WDR93: variants seen among roughly 807,000 people sequenced by gnomAD.
The protein encoded by WDR93 is WD repeat-containing protein 93.
Under a neutral mutation model 82.9 loss-of-function variants are expected in WDR93, and 73 were observed. That is an observed-to-expected ratio of 0.88 (90% CI 0.73 to 1.07). The LOEUF (loss-of-function observed/expected upper bound fraction) is 1.07, where lower values mean the gene tolerates loss of function less well. Ranked by LOEUF, WDR93 falls within the 50% of genes least tolerant of loss-of-function variation. The pLI, the probability that WDR93 is intolerant of heterozygous loss-of-function variation, is 0.00. For missense variants in WDR93, 738 were observed against 826.0 expected (o/e 0.89, Z 1.31); for synonymous variants, 283 against 300.1 (o/e 0.94, Z 0.59).
intron 5 of WDR93, among the ~76,000 whole-genome samples, chr15:89,712,456 A>G (rs1385671331): frequency 4.2e-5 from 4 of 94,324 alleles, no homozygotes; most frequent in African/African-American, 1.7e-4. Flanking sequence ...TATTATATTT[A>G]GTCATTGTGT....
Position 89,715,017 on chromosome 15 carries a change from C to G in WDR93, c.678C>G (p.Pro226=). 1 of 1,614,016 alleles carries G rather than the reference C, an allele frequency of 6.2e-7. No individual in the cohort carries two copies. The highest frequency in any genetic ancestry group is 8.5e-7 in the Non-Finnish European group (1 of 1,179,954). Residue 226 remains proline (P), a synonymous_variant, in exon 6 of 17, where the codon CCC becomes CCG. Coordinates refer to ENST00000268130, the MANE Select transcript of WDR93 (RefSeq NM_020212.2). Reference sequence around the variant, plus strand: ...TTTGGCTGGATGTGTATAAATTGCCCAAGGAGACTTGGCTCAAGAAACTAG... The same window carrying G: ...TTTGGCTGGATGTGTATAAATTGCCGAAGGAGACTTGGCTCAAGAAACTAG... The part of the protein sequence containing the change: ...GDIWLDVYKL[P]KETWLKKLEH...
At chr15:89,697,250 C>T (rs552333960) in intron 1 of WDR93, among the ~76,000 whole-genome samples, 6 of 152,212 alleles carry the variant, frequency 3.9e-5, no homozygotes, top group Non-Finnish European at 7.3e-5. Flanking sequence ...TGAGCTGCCA[C>T]ACCTGGCACT....
At chr15:89,742,901 C>G (rs1018694436) in intron 16 of WDR93, among the ~76,000 whole-genome samples, 5 of 152,220 alleles carry the variant, frequency 3.3e-5, no homozygotes, top group African/African-American at 9.6e-5. Context: ...TACAGTGTGT[C>G]TTTTTGTGAC....
intron 7 of WDR93, among the ~76,000 whole-genome samples, chr15:89,717,355 G>A (rs1422201197): frequency 6.6e-6 from 1 of 152,002 alleles, no homozygotes; most frequent in African/African-American, 2.4e-5. Context: ...TCACCACACT[G>A]GGCCCAAGAT....
At chr15:89,704,467 T>TA (rs1426722724) in intron 3 of WDR93, 1 of 152,180 alleles carries the variant, frequency 6.6e-6, no homozygotes, top group African/African-American at 2.4e-5. Flanking sequence ...ATAAAAAGCT[T>TA]AAAAAATGAA....
intron 4 of WDR93, among the ~76,000 whole-genome samples, chr15:89,710,465 C>G (rs1649527839): frequency 6.6e-6 from 1 of 152,110 alleles, no homozygotes; most frequent in Non-Finnish European, 1.5e-5. Flanking sequence ...CGGTAACTTT[C>G]TAGGATAATG....
At chr15:89,707,587 CAAAT>C (rs931744984) in intron 4 of WDR93, among the ~76,000 whole-genome samples, 1 of 149,890 alleles carries the variant, frequency 6.7e-6, no homozygotes, top group African/African-American at 2.5e-5. Flanking sequence ...CACACACACA[CAAAT>C]AAAAAATAAA....
At chr15:89,731,176 A>C (rs1966855480) in intron 11 of WDR93, among the ~76,000 whole-genome samples, 1 of 152,224 alleles carries the variant, frequency 6.6e-6, no homozygotes, top group South Asian at 2.1e-4. Flanking sequence ...TTATGTGTGT[A>C]AAGTGCCTAA....
chr15:89,712,181 C>A, intron 5 of WDR93, 77 bp downstream of exon 5: 3 of 1,171,810 alleles, frequency 2.6e-6, no homozygotes, highest in Non-Finnish European at 3.6e-6. Context: ...TTTGTCCCTC[C>A]AAACCTTTTA....
chr15:89,722,905 T>C (rs8028736), intron 8 of WDR93, among the ~76,000 whole-genome samples: 63,852 of 151,616 alleles, frequency 0.42, 13,951 homozygotes, highest in African/African-American at 0.49. Flanking sequence ...AGGTGAATAA[T>C]TGGTTAAATA....
At position 89,733,102 on chromosome 15, in the gene WDR93, A is replaced by G. The variant is rs141989547; in HGVS notation, c.1427A>G (p.Tyr476Cys). 6.2e-7 allele frequency: 1 copy of G among 1,614,230 alleles called. No homozygotes were observed. Among genetic ancestry groups the G allele is most frequent in the Admixed American group, 1.7e-5 (1 of 60,030 alleles). Residue 476 changes from tyrosine to cysteine, a missense_variant, in exon 13 of 17, where the codon TAT becomes TGT. Coordinates refer to ENST00000268130, the MANE Select transcript of WDR93 (RefSeq NM_020212.2). ...TCGGTCCACAAAGGACAGAATATGT[A>G]TCCTGAAGGTCAAGTGAAATCCCAA... ...YFSVHKGQNM[Y>C]PEGQVKSQMK...
intron 8 of WDR93, among the ~76,000 whole-genome samples, chr15:89,726,516 C>T (rs148059498): frequency 5.9e-5 from 9 of 152,230 alleles, no homozygotes; most frequent in South Asian, 2.1e-4. Flanking sequence ...ACTTGAGGGA[C>T]GCAGGTACCT....
intron 9 of WDR93, among the ~76,000 whole-genome samples, chr15:89,728,370 T>C (rs1966819526): frequency 6.6e-6 from 1 of 152,190 alleles, no homozygotes; most frequent in Non-Finnish European, 1.5e-5. Context: ...TGTTCTCACA[T>C]GGGAAGTGAA....
intron 5 of WDR93, among the ~76,000 whole-genome samples, chr15:89,714,664 A>G (rs1220664839): frequency 6.6e-6 from 1 of 152,154 alleles, no homozygotes; most frequent in Admixed American, 6.6e-5. Context: ...ATTTGCAACA[A>G]AGAAAATGTG....
intron 16 of WDR93, among the ~76,000 whole-genome samples, chr15:89,742,206 G>C (rs963000102): frequency 6.6e-6 from 1 of 152,136 alleles, no homozygotes; most frequent in African/African-American, 2.4e-5. Context: ...GAGCAACATA[G>C]TGAGACCCCA....
intron 1 of WDR93, among the ~76,000 whole-genome samples, chr15:89,692,954 A>G (rs957133725): frequency 6.6e-6 from 1 of 152,132 alleles, no homozygotes; most frequent in Admixed American, 6.5e-5. Flanking sequence ...ACAATATCAT[A>G]TAAATTGAAT....
chr15:89,730,506 G>A (rs1302778566), intron 11 of WDR93, among the ~76,000 whole-genome samples: 3 of 152,140 alleles, frequency 2.0e-5, no homozygotes, highest in Non-Finnish European at 4.4e-5. Context: ...TAGTGCATGC[G>A]TTTGTTGAAA....
chr15:89,692,652 C>T (rs1477111793), intron 1 of WDR93, among the ~76,000 whole-genome samples: 1 of 152,180 alleles, frequency 6.6e-6, no homozygotes, highest in Non-Finnish European at 1.5e-5. Flanking sequence ...TCTTATTGCC[C>T]AGGCTGGAGT....
At chr15:89,743,263 T>G (rs1304568762) in intron 16 of WDR93, 29 bp from the exon 17 acceptor site, 2 of 1,611,916 alleles carry the variant, frequency 1.2e-6, no homozygotes, top group South Asian at 1.1e-5. Context: ...GAGAGGAGAT[T>G]CCTCTCATCA....
Sources: allele counts gnomAD v4.1 joint callset (sites outside exome capture counted in the v4.1 genomes callset), GRCh38; gene constraint gnomAD v4.1.1; transcripts MANE v1.5; gene names NCBI Gene and HGNC (gene_info 2026-07-23, HGNC 2026-07-21).